Variants in CNKSR1 observed in about 807,000 individuals in gnomAD.
The protein encoded by CNKSR1 is CNK homolog protein 1.
In CNKSR1, 88 loss-of-function variants were observed where a neutral mutation model predicts 95.6. That is an observed-to-expected ratio of 0.92 (90% CI 0.78 to 1.10). The LOEUF is 1.10. Among genes scored for constraint, CNKSR1 ranks in the 50% least tolerant of loss-of-function variants. The pLI is 0.00. For synonymous variants in CNKSR1, 355 were observed against 369.7 expected, an observed-to-expected ratio of 0.96 and a Z score of 0.46; for missense variants, 836 against 912.0, an observed-to-expected ratio of 0.92 and a Z score of 1.07.
At chr1:26,183,020 G>C (rs41284329) in intron 6 of CNKSR1, among the ~76,000 whole-genome samples, 177 bp from the exon 7 acceptor site, 69 of 152,190 alleles carry the variant, frequency 4.5e-4, no homozygotes, top group Non-Finnish European at 6.2e-4. Context: ...AGAGGAGAAG[G>C]CAGAGGCCCA....
Position 26,187,403 on chromosome 1 carries a change from C to G in CNKSR1, c.1383-8C>G, listed in dbSNP as rs2088774316. On this transcript the variant is annotated splice_polypyrimidine_tract_variant and splice_region_variant and intron_variant, in intron 15 of 20. Transcript: ENST00000361530. ...CAGGCTGAGTGATGCTCCTCCACTA[C>G]CTGGCAGTGTGTTTCAGCTCACCCA... The G allele has an allele frequency of 1.2e-6, 2 of 1,613,880 alleles. No individual in the cohort carries two copies. The highest frequency in any genetic ancestry group is 1.7e-5 in the Admixed American group (1 of 60,002).
intron 8 of CNKSR1, 145 bp from the exon 9 acceptor site, chr1:26,183,584 G>A (rs1222379248): frequency 9.9e-7 from 1 of 1,011,424 alleles, no homozygotes; most frequent in Non-Finnish European, 1.6e-6. Flanking sequence ...CAGGTGATGG[G>A]GCCCATGGAA....
chr1:26,185,130 C>T lies in CNKSR1; in HGVS notation c.1252C>T (p.Arg418Cys), dbSNP rs367906743. The change falls in exon 14 of 21, where the codon CGC becomes TGC. Residue 418 changes from arginine to cysteine, a missense_variant. Coordinates refer to ENST00000361530, the MANE Select transcript of CNKSR1 (RefSeq NM_006314.3). Reference sequence around the variant, plus strand: ...GGGCGGCTTCATGGGCCCGCGCTGGCGCCGCCGCTGGTTTGTGCTCAAGGG... The same window carrying T: ...GGGCGGCTTCATGGGCCCGCGCTGGTGCCGCCGCTGGTTTGTGCTCAAGGG... ...APGGFMGPRW[R>C]RRWFVLKGHT... 1.7e-4 allele frequency: 261 copies of T among 1,581,444 alleles called. No homozygotes were observed. Among genetic ancestry groups the T allele is most frequent in the East Asian group, 3.0e-4 (13 of 43,338 alleles).
At chr1:26,183,523 C>T (rs985388637) in intron 8 of CNKSR1, 109 bp downstream of exon 8, 1 of 1,262,570 alleles carries the variant, frequency 7.9e-7, no homozygotes. Context: ...TGGGAGCTGC[C>T]TTCCAGGAGA....
rs764708165 is a variant in CNKSR1, at chr1:26,189,441, T to C, written c.2035T>C (p.Ser679Pro). 2.7e-5 allele frequency: 44 copies of C among 1,614,054 alleles called. No homozygotes were observed. In the East Asian group the frequency reaches 7.4e-4, roughly 27 times the overall value. Residue 679 changes from serine to proline, a missense_variant, in exon 21 of 21, where the codon TCT (serine) becomes CCT (proline). By Grantham distance (74) the Ser-to-Pro change is moderately conservative (BLOSUM62 -1). Transcript: ENST00000361530. ...TGAAGGCAGCTCCCACATCTTGACC[T>C]CTGACTCCACAGAACAGTCCCCCCA... is the stretch of plus-strand genomic sequence containing the variant. ...QAEGSSHILT[S>P]DSTEQSPHSL...
intron 1 of CNKSR1, among the ~76,000 whole-genome samples, chr1:26,178,922 A>C (rs2088603495): frequency 6.6e-6 from 1 of 151,866 alleles, no homozygotes. Flanking sequence ...TGACACAGGG[A>C]ACACACACAC....
At chr1:26,185,325 G>A (rs1470132977) in intron 14 of CNKSR1, 139 bp downstream of exon 14, 1 of 913,796 alleles carries the variant, frequency 1.1e-6, no homozygotes, top group Non-Finnish European at 1.7e-6. Context: ...TTTATTCAGA[G>A]AGAAATGAGT....
chr1:26,183,550 G>A, intron 8 of CNKSR1, 136 bp downstream of exon 8: 1 of 1,080,174 alleles, frequency 9.3e-7, no homozygotes, highest in Non-Finnish European at 1.4e-6. Context: ...AGCTAAGTCT[G>A]GTGAGAGCAT....
At chr1:26,186,812 A>G in intron 14 of CNKSR1, 1 of 274,828 alleles carries the variant, frequency 3.6e-6, no homozygotes, top group South Asian at 4.2e-5. Flanking sequence ...CTTTTTTCCC[A>G]GTCTGGTCTC....
chr1:26,177,874 G>A (rs559852300), intron 1 of CNKSR1, among the ~76,000 whole-genome samples: 1 of 152,316 alleles, frequency 6.6e-6, no homozygotes, highest in East Asian at 1.9e-4. Context: ...GGCTGAGGCA[G>A]GAGAATCGCT....
chr1:26,184,291 G>A lies in CNKSR1; in HGVS notation c.1000+4G>A. The A allele has an allele frequency of 6.2e-7, 1 of 1,613,616 alleles. No homozygotes were observed. Among genetic ancestry groups the A allele is most frequent in the Admixed American group, 1.7e-5 (1 of 60,002 alleles). ...GGACCCAGCCCTGCCTGGACAGGTAGTCTCAAAGCTCCATGGATGCCCCGG... is the reference window on the plus strand; with the variant it reads ...GGACCCAGCCCTGCCTGGACAGGTAATCTCAAAGCTCCATGGATGCCCCGG... On this transcript the variant is annotated splice_donor_region_variant and intron_variant, in intron 11 of 20. Transcript: ENST00000361530.
Position 26,181,658 on chromosome 1 carries a change from G to T in CNKSR1, c.393-199G>T. Reference sequence around the variant, plus strand: ...TCTGTTTCCCCAGTGCCTAGAACAGGGCTTGGCATGTGGTAGGCACATGAC... The same window carrying T: ...TCTGTTTCCCCAGTGCCTAGAACAGTGCTTGGCATGTGGTAGGCACATGAC... On this transcript the variant is annotated intron_variant, in intron 3 of 20. Coordinates refer to ENST00000361530, the MANE Select transcript of CNKSR1 (RefSeq NM_006314.3). 6.5e-6 allele frequency: 4 copies of T among 617,248 alleles called. No individual in the cohort carries two copies. The South Asian group carries it at 7.1e-5, about 11-fold the overall frequency. The allele number at this position is 617,248 out of a possible 1,614,324, so 38.2% of individuals were successfully genotyped here. A position where few individuals can be genotyped will look rare whatever the true frequency, so the allele number is the denominator to read the frequency against.
Position 26,188,158 on chromosome 1 carries a change from T to G in CNKSR1, c.1455-76T>G, listed in dbSNP as rs564541438. The G allele has an allele frequency of 3.2e-5, 39 of 1,210,054 alleles. No individual in the cohort carries two copies. In the East Asian group the frequency reaches 8.7e-4, roughly 27 times the overall value. 75.0% of individuals were successfully genotyped at this position (1,210,054 alleles called of 1,614,324 possible). ...TGCTCTGAGGATCATTAGAAGATGA[T>G]GTGGGTAAAAAGCCCCCAGCATACA... On this transcript the variant is annotated intron_variant, in intron 16 of 20. Transcript: ENST00000361530.
At chr1:26,178,070 G>A (rs2088591037) in intron 1 of CNKSR1, among the ~76,000 whole-genome samples, 1 of 152,226 alleles carries the variant, frequency 6.6e-6, no homozygotes, top group Non-Finnish European at 1.5e-5. Context: ...GCTGGGCAGA[G>A]AGACAGATGA....
In CNKSR1 at chr1:26,184,229, C is replaced by T. The variant is rs200315188; in HGVS notation, c.942C>T (p.Asp314=). 14 of 1,613,344 alleles carry T rather than the reference C, an allele frequency of 8.7e-6. No individual in the cohort carries two copies. The highest frequency in any genetic ancestry group is 6.7e-5 in the East Asian group (3 of 44,776). Residue 314 remains aspartate, a synonymous_variant, in exon 11 of 21, where the codon GAC becomes GAT. Coordinates refer to ENST00000361530, the MANE Select transcript of CNKSR1 (RefSeq NM_006314.3). ...CCCTCCCCAGGGCCCCATCTGAAGA[C>T]GTCTTTGCCTTTGACCTGTCTTCAA... ...APLSPRAPSE[D]VFAFDLSSNP...
chr1:26,188,657 C>G lies in CNKSR1; in HGVS notation c.1650C>G (p.Pro550=), dbSNP rs1356103017. 1.2e-6 allele frequency: 2 copies of G among 1,613,946 alleles called. No homozygotes were observed. Among genetic ancestry groups the G allele is most frequent in the Non-Finnish European group, 8.5e-7 (1 of 1,179,932 alleles). ...LHGDTSPAAT[P]TQRSPRTSFG... is the part of the protein sequence containing the mutation. ...GAGACACATCACCTGCAGCCACCCCCACACAGCGCAGCCCACGGACCTCCT... is the reference window on the plus strand; with the variant it reads ...GAGACACATCACCTGCAGCCACCCCGACACAGCGCAGCCCACGGACCTCCT... Residue 550 remains proline (P), a synonymous_variant, in exon 19 of 21, where the codon CCC becomes CCG. Transcript: ENST00000361530.
In CNKSR1 at chr1:26,188,663, G is replaced by C; in HGVS notation, c.1656G>C (p.Gln552His). ...CATCACCTGCAGCCACCCCCACACA[G>C]CGCAGCCCACGGACCTCCTTTGGCT... ...GDTSPAATPT[Q>H]RSPRTSFGSL... is the part of the protein sequence containing the mutation. The change falls in exon 19 of 21, where the codon CAG (glutamine) becomes CAC (histidine). Residue 552 changes from glutamine to histidine, a missense_variant. Physicochemically the swap from Gln to His is conservative, Grantham distance 24. Transcript: ENST00000361530. 6.2e-7 allele frequency: 1 copy of C among 1,613,910 alleles called. No homozygotes were observed.
rs761961358 is a variant in CNKSR1, at chr1:26,180,556, G to A, written c.156G>A (p.Arg52=). 6 of 1,614,220 alleles carry A rather than the reference G, an allele frequency of 3.7e-6. No homozygotes were observed. The South Asian group carries it at 5.5e-5, about 15-fold the overall frequency. The part of the protein sequence containing the change: ...CPQSLEALAV[R]SLGHQELILG... ...AAAGCCTCGAGGCTCTGGCTGTGCG[G>A]TCTCTGGGACACCAGGAGCTCATCC... Residue 52 remains arginine, a synonymous_variant, in exon 2 of 21, where the codon CGG becomes CGA. Coordinates refer to ENST00000361530, the MANE Select transcript of CNKSR1 (RefSeq NM_006314.3).
chr1:26,187,620 C>A (rs1385309412), intron 16 of CNKSR1, 138 bp downstream of exon 16: 7 of 463,692 alleles, frequency 1.5e-5, no homozygotes, highest in Admixed American at 6.8e-5. Flanking sequence ...TTCTCTTTCT[C>A]TTTTTTTTTT....
Sources: gnomAD v4.1 joint callset for allele counts (sites outside exome capture counted in the v4.1 genomes callset) on GRCh38, gnomAD v4.1.1 for gene constraint, MANE v1.5 for transcripts, NCBI Gene and HGNC (gene_info 2026-07-23, HGNC 2026-07-21) for gene names.